SRCAP: variants seen among roughly 807,000 people sequenced by gnomAD.
SRCAP encodes Snf2 related CREBBP activator protein.
A neutral mutation model predicts 263.1 loss-of-function variants in SRCAP; 46 were observed. The observed-to-expected ratio is 0.17, with a 90% CI of 0.14 to 0.22. The LOEUF is 0.22. Ranked by LOEUF, SRCAP falls within the 10% of genes least tolerant of loss-of-function variation. The pLI is 1.00. For missense variants in SRCAP, 3,695 were observed against 4,181.9 expected (o/e 0.88, Z 3.21); for synonymous variants, 1,813 against 1,662.1 (o/e 1.09, Z -2.21).
rs1302301350 is a variant in SRCAP, at chr16:30,722,588, A to C, written c.3732A>C (p.Ala1244=). 6.2e-7 allele frequency: 1 copy of C among 1,613,980 alleles called. No individual in the cohort carries two copies. The highest frequency in any genetic ancestry group is 8.5e-7 in the Non-Finnish European group (1 of 1,179,984). ...GGAATGTGGTGCACCTCGTGTCAGC[A>C]GGGGGGCAGCACCATCTCATCAGCC... ...LQRNVVHLVS[A]GGQHHLISQP... The change falls in exon 23 of 34, where the codon GCA becomes GCC. Residue 1244 remains alanine, a synonymous_variant. Coordinates refer to ENST00000262518, the MANE Select transcript of SRCAP (RefSeq NM_006662.3).
rs1225320499 is a variant in SRCAP, at chr16:30,711,567, C to G, written c.1319-4C>G. On this transcript the variant is annotated splice_polypyrimidine_tract_variant and splice_region_variant and intron_variant, in intron 10 of 33. Transcript: ENST00000262518. Reference sequence around the variant, plus strand: ...CAACCAAAAGCTTTTTGTTTCTCTTCCAGGTGAGCTTTCCATGGAGGAGCT... The same window carrying G: ...CAACCAAAAGCTTTTTGTTTCTCTTGCAGGTGAGCTTTCCATGGAGGAGCT... The G allele has an allele frequency of 6.3e-7, 1 of 1,579,902 alleles. No homozygotes were observed.
intron 14 of SRCAP, 40 bp downstream of exon 14, chr16:30,712,855 CT>C: frequency 6.2e-7 from 1 of 1,604,640 alleles, no homozygotes; most frequent in Non-Finnish European, 8.5e-7. Flanking sequence ...CCATTGATGC[CT>C]CCTTTATTTT....
chr16:30,717,853 C>T (rs1277461478), intron 18 of SRCAP, among the ~76,000 whole-genome samples: 3 of 151,516 alleles, frequency 2.0e-5, no homozygotes, highest in African/African-American at 7.3e-5. Context: ...GTGATCTGCC[C>T]ACCTTGGCCT....
In SRCAP at chr16:30,737,773, C is replaced by T; in HGVS notation, c.7733C>T (p.Ser2578Phe). 1 of 1,614,220 alleles carries T rather than the reference C, an allele frequency of 6.2e-7. No homozygotes were observed. Among genetic ancestry groups the T allele is most frequent in the Non-Finnish European group, 8.5e-7 (1 of 1,180,044 alleles). ...SVASSETSSLSLVPPKDLLPV... is the reference protein window; with the variant it reads ...SVASSETSSLFLVPPKDLLPV... Reference sequence around the variant, plus strand: ...GCCAGTTCAGAAACCTCCTCACTTTCTCTTGTGCCCCCTAAAGATCTGTTG... The same window carrying T: ...GCCAGTTCAGAAACCTCCTCACTTTTTCTTGTGCCCCCTAAAGATCTGTTG... Residue 2578 changes from serine to phenylalanine, a missense_variant, in exon 34 of 34, where the codon TCT becomes TTT. By Grantham distance (155) the Ser-to-Phe change is radical. Around this residue, in one of 12 missense-constraint regions of SRCAP, gnomAD observed 1,207 missense variants for 1,142.9 expected, o/e 1.06. Coordinates refer to ENST00000262518, the MANE Select transcript of SRCAP (RefSeq NM_006662.3).
rs751711533 is a variant in SRCAP at position 30,733,241 on chromosome 16, C to G, written c.6128-39C>G. ...TTGCTAAGCATTCTACCCATTGCGG[C>G]TTGTAGCTAGCTCCCTGTATCCCTT... On this transcript the variant is annotated intron_variant, in intron 27 of 33. Coordinates refer to ENST00000262518, the MANE Select transcript of SRCAP (RefSeq NM_006662.3). The surrounding 1 kb of genome is among the most constrained non-coding windows in gnomAD (Gnocchi z 5.3). 1 of 1,603,388 alleles carries G rather than the reference C, an allele frequency of 6.2e-7. No individual in the cohort carries two copies. Among genetic ancestry groups the G allele is most frequent in the Non-Finnish European group, 8.5e-7 (1 of 1,175,648 alleles).
chr16:30,725,233 T>G, intron 25 of SRCAP, 151 bp downstream of exon 25: 1 of 1,403,438 alleles, frequency 7.1e-7, no homozygotes, highest in East Asian at 2.6e-5. Context: ...GACAAGTCCC[T>G]TCTCTTCCCT....
chr16:30,724,852 C>G lies in SRCAP; in HGVS notation c.5428C>G (p.Pro1810Ala), dbSNP rs1446828660. The G allele has an allele frequency of 1.2e-6, 2 of 1,614,140 alleles. No homozygotes were observed. Among genetic ancestry groups the G allele is most frequent in the South Asian group, 1.1e-5 (1 of 91,088 alleles). ...CGCAGCTCAGACCTTGGCGCTGGCC[C>G]CAGCCTCCACACAGTCCCCAGCTTC... is the stretch of plus-strand genomic sequence containing the variant. ...PAAAQTLALA[P>A]ASTQSPASQA... Residue 1810 changes from proline (P) to alanine (A), a missense_variant, in exon 25 of 34, where the codon CCA (proline) becomes GCA (alanine). By Grantham distance (27) the Pro-to-Ala change is conservative (BLOSUM62 -1). Coordinates refer to ENST00000262518, the MANE Select transcript of SRCAP (RefSeq NM_006662.3).
At position 30,704,108 on chromosome 16, in the gene SRCAP, C is replaced by G. The variant is rs1596640446; in HGVS notation, c.99C>G (p.Ala33=). The G allele has an allele frequency of 1.2e-6, 2 of 1,614,156 alleles. No homozygotes were observed. Among genetic ancestry groups the G allele is most frequent in the Non-Finnish European group, 1.7e-6 (2 of 1,180,004 alleles). The change falls in exon 4 of 34, where the codon GCC becomes GCG. Residue 33 remains alanine (A), a synonymous_variant. Transcript: ENST00000262518. ...CAGGCAGCAATCCTGTGTCCCCTGC[C>G]TCATCCAGTTCCCCAGCCTCTAGTG... ...GMTGSNPVSP[A]SSSSPASSGA... is the part of the protein sequence containing the mutation.
intron 16 of SRCAP, among the ~76,000 whole-genome samples, chr16:30,715,659 C>T (rs1209119030): frequency 6.6e-6 from 1 of 151,632 alleles, no homozygotes; most frequent in East Asian, 1.9e-4. Flanking sequence ...TCACTGTAGA[C>T]ATTGATGACT....
At chr16:30,729,681 G>T in intron 27 of SRCAP, 109 bp downstream of exon 27, 1 of 1,334,414 alleles carries the variant, frequency 7.5e-7, no homozygotes. Context: ...TTTCTGTAAA[G>T]CTTTAGATGG....
At chr16:30,725,205 G>A (rs1406375011) in intron 25 of SRCAP, 123 bp downstream of exon 25, 11 of 1,461,738 alleles carry the variant, frequency 7.5e-6, no homozygotes, top group Non-Finnish European at 6.3e-6. Context: ...TATGGACCAA[G>A]TACTTGAGTG....
Position 30,722,621 on chromosome 16 carries a change from C to T in SRCAP, c.3765C>T (p.Ala1255=). ...GGQHHLISQP[A]HVALIQAVAP... is the part of the protein sequence containing the mutation. ...AGCACCATCTCATCAGCCAGCCTGC[C>T]CATGTGGCCCTCATCCAGGCCGTGG... Residue 1255 remains alanine, a synonymous_variant, in exon 23 of 34, where the codon GCC becomes GCT. Coordinates refer to ENST00000262518, the MANE Select transcript of SRCAP (RefSeq NM_006662.3). 1 of 1,614,138 alleles carries T rather than the reference C, an allele frequency of 6.2e-7. No individual in the cohort carries two copies. Among genetic ancestry groups the T allele is most frequent in the Non-Finnish European group, 8.5e-7 (1 of 1,180,030 alleles).
intron 21 of SRCAP, among the ~76,000 whole-genome samples, chr16:30,721,833 T>C (rs1030612121): frequency 6.6e-6 from 1 of 152,132 alleles, no homozygotes; most frequent in Non-Finnish European, 1.5e-5. Flanking sequence ...TAGAAAAGTA[T>C]TGGGGTAAAA....
Position 30,733,628 on chromosome 16 carries a change from C to G in SRCAP, c.6324C>G (p.Asp2108Glu). 6.2e-7 allele frequency: 1 copy of G among 1,613,950 alleles called. No individual in the cohort carries two copies. Among genetic ancestry groups the G allele is most frequent in the Non-Finnish European group, 8.5e-7 (1 of 1,179,934 alleles). ...CCTTGATGGAACGGTTCAATGCAGA[C>G]AAACGCATATTCTGCTTCATCCTTT... ...RQALMERFNA[D>E]KRIFCFILST... Residue 2108 changes from aspartate (D) to glutamate (E), a missense_variant, in exon 29 of 34, where the codon GAC (aspartate) becomes GAG (glutamate). Asp to Glu is a conservative substitution (Grantham distance 45). Around this residue, in one of 12 missense-constraint regions of SRCAP, gnomAD observed 138 missense variants for 254.9 expected, o/e 0.54. Transcript: ENST00000262518. This position sits in a 1 kb window ranked among gnomAD's most constrained non-coding sequence, Gnocchi z 5.3.
intron 33 of SRCAP, 102 bp from the exon 34 acceptor site, chr16:30,736,947 T>G: frequency 1.5e-6 from 2 of 1,313,814 alleles, no homozygotes; most frequent in Non-Finnish European, 2.1e-6. Context: ...GTGCTGGAAT[T>G]ACAGGCGTGA....
chr16:30,720,456 A>G lies in SRCAP; in HGVS notation c.2987+125A>G, dbSNP rs1468932574. On this transcript the variant is annotated intron_variant, in intron 19 of 33. Coordinates refer to ENST00000262518, the MANE Select transcript of SRCAP (RefSeq NM_006662.3). ...GGAATATTTATATGGGATGGGTGCA[A>G]ACGTGGAGGGAATCAGGGAGAGAAT... The G allele has an allele frequency of 5.9e-6, 7 of 1,193,424 alleles. No homozygotes were observed. The South Asian group carries it at 5.9e-5, about 10-fold the overall frequency. 73.9% of individuals were successfully genotyped at this position (1,193,424 alleles called of 1,614,324 possible).
At chr16:30,728,298 T>A (rs1174710479) in intron 25 of SRCAP, among the ~76,000 whole-genome samples, 2 of 152,224 alleles carry the variant, frequency 1.3e-5, no homozygotes, top group Non-Finnish European at 2.9e-5. Context: ...GTGTAGTGGA[T>A]AGATATTAGT....
At chr16:30,713,854 C>A in intron 16 of SRCAP, 143 bp downstream of exon 16, 1 of 695,458 alleles carries the variant, frequency 1.4e-6, no homozygotes, top group Non-Finnish European at 2.4e-6. Flanking sequence ...GTTCTAGTGA[C>A]TAACCCATTG....
At position 30,721,472 on chromosome 16, in the gene SRCAP, G is replaced by A. The variant is rs1182990732; in HGVS notation, c.3537G>A (p.Leu1179=). 3 of 1,608,624 alleles carry A rather than the reference G, an allele frequency of 1.9e-6. No homozygotes were observed. The highest frequency in any genetic ancestry group is 2.7e-5 in the African/African-American group (2 of 74,952). Residue 1179 remains leucine, a synonymous_variant, in exon 21 of 34, where the codon CTG becomes CTA. Coordinates refer to ENST00000262518, the MANE Select transcript of SRCAP (RefSeq NM_006662.3). ...TATCTCCCGATATGCAGGCTCGCCT[G>A]CCCTGTAAGTTCCCAGGGCTCTGTG... is the stretch of plus-strand genomic sequence containing the variant. ...LILSPDMQAR[L]PSGEVVSIGQ...
Sources: gnomAD v4.1 joint callset for allele counts (sites outside exome capture counted in the v4.1 genomes callset) on GRCh38, gnomAD v4.1.1 for gene constraint, gnomAD v4.1.1 regional missense constraint, Gnocchi (gnomAD v3.1) non-coding constraint, MANE v1.5 for transcripts, NCBI Gene and HGNC (gene_info 2026-07-23, HGNC 2026-07-21) for gene names.